The following THSD7B variants were observed in gnomAD, a reference collection of about 807,000 sequenced individuals.
THSD7B encodes the protein thrombospondin type-1 domain-containing protein 7B.
Under a neutral mutation model 213.6 loss-of-function variants are expected in THSD7B, and 138 were observed. The ratio of observed to expected loss-of-function variants is 0.65; its 90% CI spans 0.56 to 0.74. The LOEUF (loss-of-function observed/expected upper bound fraction) is 0.74. Ranked by LOEUF, THSD7B falls within the 30% of genes least tolerant of loss-of-function variation. THSD7B has a pLI of 0.00. For synonymous variants in THSD7B, 742 were observed against 687.0 expected (o/e 1.08, Z -1.25); for missense variants, 1,931 against 1,991.5 (o/e 0.97, Z 0.58).
At chr2:137,311,351 A>G (rs1683901396) in intron 12 of THSD7B, among the ~76,000 whole-genome samples, 2 of 151,922 alleles carry the variant, frequency 1.3e-5, no homozygotes, top group African/African-American at 4.8e-5. Context: ...TTGTACATTG[A>G]TTTTGTATCC....
intron 16 of THSD7B, 122 bp downstream of exon 16, chr2:137,563,476 T>A: frequency 7.7e-7 from 1 of 1,299,836 alleles, no homozygotes; most frequent in East Asian, 2.5e-5. Context: ...TCTGGTTTTT[T>A]CTCATCTTTG....
chr2:137,050,546 A>T (rs1573789775), intron 2 of THSD7B, among the ~76,000 whole-genome samples: 1 of 152,234 alleles, frequency 6.6e-6, no homozygotes, highest in East Asian at 1.9e-4. Flanking sequence ...AACAAAGCTT[A>T]TGCTTACTTG....
At chr2:137,643,822 G>A (rs915574329) in intron 21 of THSD7B, among the ~76,000 whole-genome samples, 6 of 152,126 alleles carry the variant, frequency 3.9e-5, no homozygotes, top group Non-Finnish European at 8.8e-5. Flanking sequence ...GAGGGACAGA[G>A]AACTGACAAT....
intron 17 of THSD7B, among the ~76,000 whole-genome samples, chr2:137,595,254 A>G (rs1364436704): frequency 6.6e-6 from 1 of 151,982 alleles, no homozygotes; most frequent in East Asian, 1.9e-4. Context: ...GACAGTATTT[A>G]ATTACAAGAA....
At position 136,927,121 on chromosome 2, in the gene THSD7B, C is replaced by T. The variant is rs1245069230; in HGVS notation, c.139+44804C>T. Among the ~76,000 whole-genome samples, 3 of 151,596 alleles carry T rather than the reference C, an allele frequency of 2.0e-5. No homozygotes were observed. In the East Asian group the frequency reaches 5.8e-4, roughly 29 times the overall value. ...TATATATTCTGTCTTCTATCACATA[C>T]AATTTTCAGCAATATGGAACTATTT... On this transcript the variant is annotated intron_variant, in intron 2 of 27. Transcript: ENST00000409968.
chr2:137,253,157 A>C (rs937298442), intron 10 of THSD7B, among the ~76,000 whole-genome samples: 1 of 152,130 alleles, frequency 6.6e-6, no homozygotes, highest in African/African-American at 2.4e-5. Flanking sequence ...CAAAATATGC[A>C]GTCTGTGTGT....
At chr2:137,484,297 T>C (rs1488733229) in intron 15 of THSD7B, among the ~76,000 whole-genome samples, 1 of 149,914 alleles carries the variant, frequency 6.7e-6, no homozygotes, top group Non-Finnish European at 1.5e-5. Flanking sequence ...TGCGATAGTT[T>C]ACTGAGAATG....
chr2:137,413,372 T>A (rs1284042249), intron 14 of THSD7B, among the ~76,000 whole-genome samples: 2 of 152,174 alleles, frequency 1.3e-5, no homozygotes, highest in Non-Finnish European at 2.9e-5. Flanking sequence ...AGTGTACAGT[T>A]AAGGAGAAGT....
rs200250890 is a variant in THSD7B, at chr2:137,057,149, C to T, written c.869C>T (p.Ser290Leu). 759 of 1,613,882 alleles carry T rather than the reference C, an allele frequency of 4.7e-4. 1 individual carries two copies. The highest frequency in any genetic ancestry group is 6.2e-4 in the Non-Finnish European group (733 of 1,179,876). The part of the protein sequence containing the change: ...KHQSYKAHHH[S>L]KSWAIEIGYQ... ...CAAAGTTACAAAGCACATCATCATTCGAAGTCTTGGGCAATAGAGATAGGT... is the reference window on the plus strand; with the variant it reads ...CAAAGTTACAAAGCACATCATCATTTGAAGTCTTGGGCAATAGAGATAGGT... Residue 290 changes from serine to leucine, a missense_variant, in exon 3 of 28, where the codon TCG (serine) becomes TTG (leucine). Physicochemically the swap from Ser to Leu is moderately radical, Grantham distance 145. Coordinates refer to ENST00000409968, the MANE Select transcript of THSD7B (RefSeq NM_001316349.2).
chr2:137,612,553 T>G (rs1682308331), intron 17 of THSD7B, among the ~76,000 whole-genome samples: 1 of 152,190 alleles, frequency 6.6e-6, no homozygotes, highest in Non-Finnish European at 1.5e-5. Flanking sequence ...TGATCCAGTC[T>G]TGTGCCAACA....
chr2:137,447,019 T>A (rs570677222), intron 14 of THSD7B, among the ~76,000 whole-genome samples: 2 of 152,250 alleles, frequency 1.3e-5, no homozygotes, highest in East Asian at 3.9e-4. Context: ...TATAAGAATA[T>A]GCAAGTATTA....
rs553069297 is a variant in THSD7B at position 136,781,463 on chromosome 2, G to A, written c.-36+15776G>A. On this transcript the variant is annotated intron_variant, in intron 1 of 27. Transcript: ENST00000409968. ...TTTTTTTAAATTTTTTTAGAGACACGGTTTCACCATGTTGGCCAGGCTGGT... is the reference window on the plus strand; with the variant it reads ...TTTTTTTAAATTTTTTTAGAGACACAGTTTCACCATGTTGGCCAGGCTGGT... Among the ~76,000 whole-genome samples the A allele has an allele frequency of 9.3e-4, 140 of 151,278 alleles. 1 individual carries two copies. The highest frequency in any genetic ancestry group is 1.7e-3 in the Non-Finnish European group (114 of 67,838).
chr2:136,958,353 T>G (rs998580778), intron 2 of THSD7B, among the ~76,000 whole-genome samples: 2 of 152,194 alleles, frequency 1.3e-5, no homozygotes, highest in Non-Finnish European at 2.9e-5. Context: ...TGGTTTTAGT[T>G]GATCGCAAGC....
intron 15 of THSD7B, among the ~76,000 whole-genome samples, chr2:137,465,112 A>G (rs1413496302): frequency 6.6e-6 from 1 of 151,892 alleles, no homozygotes; most frequent in East Asian, 1.9e-4. Flanking sequence ...TTTCTCCTTT[A>G]TGTGCTCTGC....
At chr2:136,879,736 G>GAC (rs1388881598) in intron 1 of THSD7B, among the ~76,000 whole-genome samples, 2 of 152,052 alleles carry the variant, frequency 1.3e-5, no homozygotes, top group Admixed American at 1.3e-4. Context: ...CATGTGCAGA[G>GAC]ACACACATAG....
intron 12 of THSD7B, among the ~76,000 whole-genome samples, chr2:137,377,317 T>G (rs1685678617): frequency 1.3e-5 from 2 of 152,182 alleles, no homozygotes; most frequent in Non-Finnish European, 2.9e-5. Context: ...AGGATAAAAT[T>G]TAAAAACAAA....
rs138309823 is a variant in THSD7B, at chr2:137,466,235, A to T, written c.3138+15212A>T. ...ACGGTAAATATTTTGGAAGACTTTA[A>T]CTCAGTGTACTTGTGCTATTATTCA... is the stretch of plus-strand genomic sequence containing the variant. On this transcript the variant is annotated intron_variant, in intron 15 of 27. Coordinates refer to ENST00000409968, the MANE Select transcript of THSD7B (RefSeq NM_001316349.2). 6.2e-4 allele frequency among the ~76,000 whole-genome samples: 95 copies of T among 152,218 alleles called. 1 individual carries two copies. The East Asian group carries it at 0.017, about 27-fold the overall frequency.
chr2:137,663,611 C>T (rs769053271), intron 26 of THSD7B, 36 bp downstream of exon 26: 1 of 1,547,324 alleles, frequency 6.5e-7, no homozygotes, highest in Non-Finnish European at 8.8e-7. Flanking sequence ...TGAAAATTTT[C>T]TCATGGGAGG....
intron 2 of THSD7B, among the ~76,000 whole-genome samples, chr2:137,001,527 A>G (rs528117753): frequency 6.6e-6 from 1 of 152,136 alleles, no homozygotes. Context: ...TTTTGAGCTC[A>G]GGAGGAAGAA....
Sources: gnomAD v4.1 joint callset for allele counts (sites outside exome capture counted in the v4.1 genomes callset) on GRCh38, gnomAD v4.1.1 for gene constraint, MANE v1.5 for transcripts, NCBI Gene and HGNC (gene_info 2026-07-23, HGNC 2026-07-21) for gene names.